SEPTIN14: variants seen among roughly 807,000 people sequenced by gnomAD.
The protein encoded by SEPTIN14 is septin-14.
SEPTIN14 carries 40 observed loss-of-function variants against 53.6 expected under a neutral mutation model. That is an observed-to-expected ratio of 0.75 (90% CI 0.58 to 0.97). The LOEUF (loss-of-function observed/expected upper bound fraction) is 0.97. SEPTIN14 is among the 50% of genes least tolerant of loss of function. The probability of loss-of-function intolerance (pLI) is 0.00; values close to 1 mark genes in which losing one functional copy is unlikely to be tolerated. For synonymous variants in SEPTIN14, 138 were observed against 166.8 expected (o/e 0.83, Z 1.33); for missense variants, 471 against 508.2 (o/e 0.93, Z 0.70).
chr7:55,857,519 GAAAGGAAAGGAAAGGAAAGGAA>G (rs1789658834), intron 2 of SEPTIN14, among the ~76,000 whole-genome samples: 1 of 110,546 alleles, frequency 9.0e-6, no homozygotes. Context: ...GAAGGGAAGG[GAAAGGAAAGGAAAGGAAAGGAA>G]GAGAGGAGGG....
chr7:55,801,865 G>A (rs934902497), intron 9 of SEPTIN14, among the ~76,000 whole-genome samples: 3 of 152,078 alleles, frequency 2.0e-5, no homozygotes, highest in East Asian at 1.9e-4. Flanking sequence ...AAGTTGCAAT[G>A]AGCTGAGATC....
intron 2 of SEPTIN14, chr7:55,851,033 C>T (rs1028006123): frequency 3.3e-5 from 5 of 151,968 alleles, no homozygotes; most frequent in Non-Finnish European, 5.9e-5. Context: ...GCCAAGATCG[C>T]GCCATTGCAC....
intron 6 of SEPTIN14, among the ~76,000 whole-genome samples, chr7:55,833,687 AAC>A (rs1789153669): frequency 6.6e-6 from 1 of 152,142 alleles, no homozygotes; most frequent in African/African-American, 2.4e-5. Context: ...CAGCTTGGGC[AAC>A]AGAGTGAGAC....
At chr7:55,851,096 A>G (rs1046601651) in intron 2 of SEPTIN14, among the ~76,000 whole-genome samples, 2 of 152,146 alleles carry the variant, frequency 1.3e-5, no homozygotes, top group African/African-American at 2.4e-5. Flanking sequence ...AAAAGCAAAC[A>G]TTCTGCAACT....
At chr7:55,826,363 C>T (rs1000705563) in intron 6 of SEPTIN14, among the ~76,000 whole-genome samples, 1 of 152,150 alleles carries the variant, frequency 6.6e-6, no homozygotes, top group African/African-American at 2.4e-5. Flanking sequence ...CATCTTGTCC[C>T]ATATAAGGGA....
intron 5 of SEPTIN14, among the ~76,000 whole-genome samples, chr7:55,839,232 A>T: frequency 6.6e-6 from 1 of 152,042 alleles, no homozygotes. Context: ...TACTAAAAGT[A>T]CAAAAAATTA....
chr7:55,846,211 G>C (rs1213229358), intron 3 of SEPTIN14, among the ~76,000 whole-genome samples: 1 of 150,492 alleles, frequency 6.6e-6, no homozygotes, highest in Non-Finnish European at 1.5e-5. Flanking sequence ...AATCACTACA[G>C]GTCGAGTGTG....
At chr7:55,860,354 A>G (rs1376766443) in intron 2 of SEPTIN14, among the ~76,000 whole-genome samples, 1 of 151,740 alleles carries the variant, frequency 6.6e-6, no homozygotes, top group East Asian at 1.9e-4. Context: ...GTAGAGTAGA[A>G]TGATAGCTAC....
chr7:55,847,595 T>C (rs1370174406), intron 2 of SEPTIN14, among the ~76,000 whole-genome samples: 1 of 152,142 alleles, frequency 6.6e-6, no homozygotes, highest in Non-Finnish European at 1.5e-5. Context: ...GTATTAAATA[T>C]CTCATGTAAT....
chr7:55,852,721 C>T lies in SEPTIN14; in HGVS notation c.55-6084G>A, dbSNP rs145635481. Among the ~76,000 whole-genome samples the T allele has an allele frequency of 2.8e-3, 425 of 152,108 alleles. 5 individuals carry two copies. The highest frequency in any genetic ancestry group is 0.01 in the Middle Eastern group (3 of 294). Reference sequence around the variant, plus strand: ...ATGAAATTAAAAAGCTTCTACACAGCAAAGAAAGTGATCAACAAAGTGAGG... The same window carrying T: ...ATGAAATTAAAAAGCTTCTACACAGTAAAGAAAGTGATCAACAAAGTGAGG... On this transcript the variant is annotated intron_variant, in intron 2 of 9. Coordinates refer to ENST00000388975, the MANE Select transcript of SEPTIN14 (RefSeq NM_207366.3).
intron 5 of SEPTIN14, among the ~76,000 whole-genome samples, chr7:55,838,684 C>A (rs536332102): frequency 6.6e-6 from 1 of 151,766 alleles, no homozygotes; most frequent in Non-Finnish European, 1.5e-5. Context: ...CTCAAGCAAT[C>A]CCACAGGTGC....
At position 55,795,552 on chromosome 7, in the gene SEPTIN14, C is replaced by T. The variant is rs773090147; in HGVS notation, c.*361G>A. The T allele has an allele frequency of 7.3e-5, 18 of 247,606 alleles. No individual in the cohort carries two copies. Among genetic ancestry groups the T allele is most frequent in the Middle Eastern group, 1.5e-3 (1 of 654 alleles). The allele number at this position is 247,606 out of a possible 1,614,324, so 15.3% of individuals were successfully genotyped here. A position where few individuals can be genotyped will look rare whatever the true frequency, so the allele number is the denominator to read the frequency against. ...GTGAGATCTTGGCTCACTGCAACCT[C>T]CACCTCCGGGGTTCAAGTGATTCTC... On this transcript the variant is annotated 3_prime_UTR_variant, in exon 10 of 10. Coordinates refer to ENST00000388975, the MANE Select transcript of SEPTIN14 (RefSeq NM_207366.3).
At chr7:55,798,245 G>A (rs763169440) in intron 9 of SEPTIN14, 11 of 427,374 alleles carry the variant, frequency 2.6e-5, no homozygotes, top group Non-Finnish European at 4.1e-5. Context: ...CTGCTGAGTT[G>A]GCAGCTGTTG....
chr7:55,800,394 C>T (rs1788505380), intron 9 of SEPTIN14, among the ~76,000 whole-genome samples: 1 of 152,180 alleles, frequency 6.6e-6, no homozygotes, highest in Non-Finnish European at 1.5e-5. Flanking sequence ...GAGGCTGAGG[C>T]AGGTGGATCA....
At chr7:55,820,010 G>C (rs1562710228) in intron 6 of SEPTIN14, among the ~76,000 whole-genome samples, 1 of 151,854 alleles carries the variant, frequency 6.6e-6, no homozygotes, top group African/African-American at 2.4e-5. Context: ...AATTATGTTT[G>C]TTTTTTTGAG....
At chr7:55,832,153 A>T (rs1008175495) in intron 6 of SEPTIN14, among the ~76,000 whole-genome samples, 10 of 151,870 alleles carry the variant, frequency 6.6e-5, no homozygotes, top group African/African-American at 2.4e-4. Context: ...GTGAGATGAG[A>T]TCATACCACT....
At chr7:55,830,550 G>A (rs1029376297) in intron 6 of SEPTIN14, among the ~76,000 whole-genome samples, 7 of 150,218 alleles carry the variant, frequency 4.7e-5, no homozygotes, top group Non-Finnish European at 1.0e-4. Flanking sequence ...TCATGGTGTT[G>A]GCCAGGATAG....
chr7:55,832,401 T>C (rs764752767), intron 6 of SEPTIN14, among the ~76,000 whole-genome samples: 1 of 152,172 alleles, frequency 6.6e-6, no homozygotes, highest in Non-Finnish European at 1.5e-5. Flanking sequence ...GTGATTATAC[T>C]ACTAGGCATC....
intron 7 of SEPTIN14, among the ~76,000 whole-genome samples, chr7:55,818,532 C>T (rs1788834480): frequency 1.3e-5 from 2 of 151,580 alleles, no homozygotes; most frequent in African/African-American, 4.9e-5. Context: ...TCTTCCATTC[C>T]CCAATAATTA....
Sources: allele counts gnomAD v4.1 joint callset (sites outside exome capture counted in the v4.1 genomes callset), GRCh38; gene constraint gnomAD v4.1.1; transcripts MANE v1.5; gene names NCBI Gene and HGNC (gene_info 2026-07-23, HGNC 2026-07-21).